BRSK1: variants seen among roughly 807,000 people sequenced by gnomAD.
The protein encoded by BRSK1 is serine/threonine-protein kinase BRSK1.
In BRSK1, 17 loss-of-function variants were observed where a neutral mutation model predicts 86.2. The observed-to-expected ratio is 0.20, with a 90% CI of 0.14 to 0.30. The LOEUF (loss-of-function observed/expected upper bound fraction) is 0.30, where lower values mean the gene tolerates loss of function less well. Among genes scored for constraint, BRSK1 ranks in the 10% least tolerant of loss-of-function variants. The pLI, the probability that BRSK1 is intolerant of heterozygous loss-of-function variation, is 1.00. For synonymous variants in BRSK1, 464 were observed against 440.1 expected (o/e 1.05, Z -0.68); for missense variants, 719 against 1,071.9 (o/e 0.67, Z 4.60).
Position 55,304,606 on chromosome 19 carries a change from G to T in BRSK1, c.1403G>T (p.Gly468Val). Residue 468 changes from glycine (G) to valine (V), a missense_variant, in exon 14 of 19, where the codon GGG (glycine) becomes GTG (valine). Gly to Val is a moderately radical substitution (Grantham distance 109). Coordinates refer to ENST00000309383, the MANE Select transcript of BRSK1 (RefSeq NM_032430.2). This position sits in a 1 kb window ranked among gnomAD's most constrained non-coding sequence, Gnocchi z 5.2. ...GGGGCTGGAGATGAGGCTCGAGGCG[G>T]GGGCTCCCCGACTTCCAAAACGCAG... ...EPGAGDEARG[G>V]GSPTSKTQTL... is the part of the protein sequence containing the mutation. 1.3e-6 allele frequency: 2 copies of T among 1,569,598 alleles called. No homozygotes were observed. Among genetic ancestry groups the T allele is most frequent in the Non-Finnish European group, 1.7e-6 (2 of 1,159,314 alleles).
In BRSK1 at chr19:55,304,468, G is replaced by A. The variant is rs1233501114; in HGVS notation, c.1348-83G>A. On this transcript the variant is annotated intron_variant, in intron 13 of 18. Transcript: ENST00000309383. This position sits in a 1 kb window ranked among gnomAD's most constrained non-coding sequence, Gnocchi z 5.2. Reference sequence around the variant, plus strand: ...TGCAGCATGCACCGGGCCAGCGTCCGTGAGTGTGCGTGTGAGTGGGGCTCC... The same window carrying A: ...TGCAGCATGCACCGGGCCAGCGTCCATGAGTGTGCGTGTGAGTGGGGCTCC... 2 of 1,427,158 alleles carry A rather than the reference G, an allele frequency of 1.4e-6. No homozygotes were observed. Among genetic ancestry groups the A allele is most frequent in the Admixed American group, 5.7e-5 (2 of 35,126 alleles). The allele number at this position is 1,427,158 out of a possible 1,614,324, so 88.4% of individuals were successfully genotyped here.
rs1434764879 is a variant in BRSK1, at chr19:55,303,242, C to A, written c.1029-69C>A. 7.9e-7 allele frequency: 1 copy of A among 1,261,862 alleles called. No individual in the cohort carries two copies. Among genetic ancestry groups the A allele is most frequent in the Non-Finnish European group, 1.2e-6 (1 of 861,594 alleles). 78.2% of individuals were successfully genotyped at this position (1,261,862 alleles called of 1,614,324 possible). On this transcript the variant is annotated intron_variant, in intron 10 of 18. Transcript: ENST00000309383. This position sits in a 1 kb window ranked among gnomAD's most constrained non-coding sequence, Gnocchi z 5.1. Reference sequence around the variant, plus strand: ...GAAATACAGGGAGCGGAGGAGACCTCCTCTGAGCATTGATGTTGGACCTCA... The same window carrying A: ...GAAATACAGGGAGCGGAGGAGACCTACTCTGAGCATTGATGTTGGACCTCA...
intron 7 of BRSK1, among the ~76,000 whole-genome samples, chr19:55,298,996 G>C (rs1352681838): frequency 6.6e-6 from 1 of 152,152 alleles, no homozygotes; most frequent in African/African-American, 2.4e-5. Context: ...CACTTTAGGA[G>C]GCTGAGGCGG....
Position 55,303,231 on chromosome 19 carries a change from G to C in BRSK1, c.1029-80G>C. On this transcript the variant is annotated intron_variant, in intron 10 of 18. Transcript: ENST00000309383. This position sits in a 1 kb window ranked among gnomAD's most constrained non-coding sequence, Gnocchi z 5.1. ...AACCATGGGCAGAAATACAGGGAGC[G>C]GAGGAGACCTCCTCTGAGCATTGAT... The C allele has an allele frequency of 1.8e-6, 2 of 1,128,276 alleles. No individual in the cohort carries two copies. The highest frequency in any genetic ancestry group is 2.0e-4 in the Middle Eastern group (1 of 5,126). The allele number at this position is 1,128,276 out of a possible 1,614,324, so 69.9% of individuals were successfully genotyped here.
Position 55,311,848 on chromosome 19 carries a change from C to T in BRSK1, c.2180-63C>T, listed in dbSNP as rs1467971719. 3 of 1,563,530 alleles carry T rather than the reference C, an allele frequency of 1.9e-6. No individual in the cohort carries two copies. The African/African-American group carries it at 4.1e-5, about 21-fold the overall frequency. On this transcript the variant is annotated intron_variant, in intron 18 of 18. Coordinates refer to ENST00000309383, the MANE Select transcript of BRSK1 (RefSeq NM_032430.2). Reference sequence around the variant, plus strand: ...GATGAGGAGACTCTGCCCCCATCCCCTGGTAATGGGAACCCCAACCCTGGG... The same window carrying T: ...GATGAGGAGACTCTGCCCCCATCCCTTGGTAATGGGAACCCCAACCCTGGG...
At position 55,303,896 on chromosome 19, in the gene BRSK1, C is replaced by G; in HGVS notation, c.1286+70C>G. The G allele has an allele frequency of 6.5e-7, 1 of 1,527,630 alleles. No homozygotes were observed. Among genetic ancestry groups the G allele is most frequent in the Non-Finnish European group, 8.8e-7 (1 of 1,136,864 alleles). The allele number at this position is 1,527,630 out of a possible 1,614,324, so 94.6% of individuals were successfully genotyped here. A position where few individuals can be genotyped will look rare whatever the true frequency, so the allele number is the denominator to read the frequency against. ...TAGGAGTTCAAGATTCTAACCCCAG[C>G]TCTACCTCAAATGTGCTGTGTCCTT... On this transcript the variant is annotated intron_variant, in intron 12 of 18. Coordinates refer to ENST00000309383, the MANE Select transcript of BRSK1 (RefSeq NM_032430.2). The surrounding 1 kb of genome is among the most constrained non-coding windows in gnomAD (Gnocchi z 5.1).
intron 7 of BRSK1, among the ~76,000 whole-genome samples, chr19:55,301,222 T>C (rs948959759): frequency 1.3e-5 from 2 of 152,198 alleles, no homozygotes; most frequent in African/African-American, 4.8e-5. Flanking sequence ...TCACCTTTTG[T>C]TGAATGAGTG....
At chr19:55,295,197 A>G (rs1255047197) in intron 7 of BRSK1, among the ~76,000 whole-genome samples, 1 of 151,844 alleles carries the variant, frequency 6.6e-6, no homozygotes, top group African/African-American at 2.4e-5. Context: ...ATCACGGCTC[A>G]CTGCAGTCTC....
intron 7 of BRSK1, among the ~76,000 whole-genome samples, chr19:55,298,312 T>C (rs2088521146): frequency 7.7e-6 from 1 of 130,060 alleles, no homozygotes; most frequent in African/African-American, 2.9e-5. Context: ...AACCTCCACC[T>C]CCTGGGTTCA....
chr19:55,294,703 T>C lies in BRSK1; in HGVS notation c.678+306T>C, dbSNP rs2088459849. The stretch of plus-strand genomic sequence containing the variant: ...TTTTAGTAGAGACAGGGTTTCGCCA[T>C]ATTGGCCAGGCTGGTCTCCAACTCC... On this transcript the variant is annotated intron_variant, in intron 7 of 18. Transcript: ENST00000309383. The surrounding 1 kb of genome is among the most constrained non-coding windows in gnomAD (Gnocchi z 4.9). Among the ~76,000 whole-genome samples the C allele has an allele frequency of 1.3e-5, 2 of 152,080 alleles. No individual in the cohort carries two copies.
At chr19:55,309,976 C>T (rs1022371433) in intron 18 of BRSK1, among the ~76,000 whole-genome samples, 1 of 152,190 alleles carries the variant, frequency 6.6e-6, no homozygotes, top group Non-Finnish European at 1.5e-5. Context: ...CCCTGGACCC[C>T]GTTGAAAGGA....
In BRSK1 at chr19:55,303,185, A is replaced by G. The variant is rs1461472896; in HGVS notation, c.1029-126A>G. 8 of 758,506 alleles carry G rather than the reference A, an allele frequency of 1.1e-5. No homozygotes were observed. Among genetic ancestry groups the G allele is most frequent in the Non-Finnish European group, 1.8e-5 (8 of 452,278 alleles). 47.0% of individuals were successfully genotyped at this position (758,506 alleles called of 1,614,324 possible). Reference sequence around the variant, plus strand: ...ACCCTAAACCAGAGAAACTGACCATACTGATACCTAGAAAAAATGGAACCA... The same window carrying G: ...ACCCTAAACCAGAGAAACTGACCATGCTGATACCTAGAAAAAATGGAACCA... On this transcript the variant is annotated intron_variant, in intron 10 of 18. Transcript: ENST00000309383. The surrounding 1 kb of genome is among the most constrained non-coding windows in gnomAD (Gnocchi z 5.1).
At position 55,303,212 on chromosome 19, in the gene BRSK1, G is replaced by A; in HGVS notation, c.1029-99G>A. ...TGATACCTAGAAAAAATGGAACCAT[G>A]GGCAGAAATACAGGGAGCGGAGGAG... On this transcript the variant is annotated intron_variant, in intron 10 of 18. Transcript: ENST00000309383. The surrounding 1 kb of genome is among the most constrained non-coding windows in gnomAD (Gnocchi z 5.1). 2.1e-6 allele frequency: 2 copies of A among 947,258 alleles called. No individual in the cohort carries two copies. The highest frequency in any genetic ancestry group is 3.3e-6 in the Non-Finnish European group (2 of 599,572). 58.7% of individuals were successfully genotyped at this position (947,258 alleles called of 1,614,324 possible).
chr19:55,287,160 G>T lies in BRSK1; in HGVS notation c.232-54G>T, dbSNP rs1458799617. The T allele has an allele frequency of 1.2e-6, 2 of 1,612,310 alleles. No individual in the cohort carries two copies. Among genetic ancestry groups the T allele is most frequent in the Non-Finnish European group, 1.7e-6 (2 of 1,178,572 alleles). On this transcript the variant is annotated intron_variant, in intron 2 of 18. Coordinates refer to ENST00000309383, the MANE Select transcript of BRSK1 (RefSeq NM_032430.2). This position sits in a 1 kb window ranked among gnomAD's most constrained non-coding sequence, Gnocchi z 5.3. Reference sequence around the variant, plus strand: ...GGGGGGCCTCCGGGGCTGAGGGCAGGGGCGGGGCCGTGCTGACCTCTTTTC... The same window carrying T: ...GGGGGGCCTCCGGGGCTGAGGGCAGTGGCGGGGCCGTGCTGACCTCTTTTC...
intron 16 of BRSK1, 104 bp downstream of exon 16, chr19:55,305,690 C>T: frequency 1.3e-6 from 2 of 1,524,522 alleles, no homozygotes; most frequent in Non-Finnish European, 1.8e-6. Flanking sequence ...CCTCCTGGGG[C>T]TCATGGGATT....
Position 55,284,396 on chromosome 19 carries a change from G to T in BRSK1, c.-47G>T, listed in dbSNP as rs1257211536. On this transcript the variant is annotated 5_prime_UTR_variant, in exon 1 of 19. Transcript: ENST00000309383. ...CCACCGGAGAGACGGGGCGACGGCCGCAGGGGGGGCGGCCGGGGGACCGGT... is the reference window on the plus strand; with the variant it reads ...CCACCGGAGAGACGGGGCGACGGCCTCAGGGGGGGCGGCCGGGGGACCGGT... 43 of 1,031,880 alleles carry T rather than the reference G, an allele frequency of 4.2e-5. No individual in the cohort carries two copies. The highest frequency in any genetic ancestry group is 5.1e-5 in the Non-Finnish European group (41 of 806,648). The allele number at this position is 1,031,880 out of a possible 1,614,324, so 63.9% of individuals were successfully genotyped here.
rs1312314710 is a variant in BRSK1, at chr19:55,310,711, A to C, written c.2180-1200A>C. 6.6e-6 allele frequency among the ~76,000 whole-genome samples: 1 copy of C among 152,180 alleles called. No individual in the cohort carries two copies. The highest frequency in any genetic ancestry group is 1.5e-5 in the Non-Finnish European group (1 of 68,026). ...CCACGACAGCTGGGTCCCAAATGGC[A>C]GTCGTGCTGAGGTGCAGAAACCCTC... is the stretch of plus-strand genomic sequence containing the variant. On this transcript the variant is annotated intron_variant, in intron 18 of 18. Transcript: ENST00000309383. The surrounding 1 kb of genome is among the most constrained non-coding windows in gnomAD (Gnocchi z 5.0).
chr19:55,285,820 G>A (rs1374104024), intron 1 of BRSK1, among the ~76,000 whole-genome samples: 3 of 152,104 alleles, frequency 2.0e-5, no homozygotes, highest in Admixed American at 1.3e-4. Context: ...CGACTGGGCC[G>A]TAACTGGGAG....
Position 55,304,030 on chromosome 19 carries a change from T to TA in BRSK1, c.1287-17dup, listed in dbSNP as rs397859178. The TA allele has an allele frequency of 2.5e-5, 39 of 1,587,090 alleles. No individual in the cohort carries two copies. Among genetic ancestry groups the TA allele is most frequent in the African/African-American group, 2.2e-4 (16 of 73,846 alleles). ...ACCCTCCCATCTGATTTTTTTTTTT[T>TA]AAATCTATCCTGGAAACAGATCCCG... On this transcript the variant is annotated intron_variant, in intron 12 of 18. Coordinates refer to ENST00000309383, the MANE Select transcript of BRSK1 (RefSeq NM_032430.2). The surrounding 1 kb of genome is among the most constrained non-coding windows in gnomAD (Gnocchi z 5.2).
Sources: allele counts gnomAD v4.1 joint callset (sites outside exome capture counted in the v4.1 genomes callset), GRCh38; gene constraint gnomAD v4.1.1; non-coding constraint Gnocchi (gnomAD v3.1); transcripts MANE v1.5; gene names NCBI Gene and HGNC (gene_info 2026-07-23, HGNC 2026-07-21).